The following PPP4R3A variants were observed in gnomAD, a reference collection of about 807,000 sequenced individuals.
PPP4R3A encodes the protein serine/threonine-protein phosphatase 4 regulatory subunit 3A.
PPP4R3A carries 15 observed loss-of-function variants against 91.7 expected under a neutral mutation model. The observed-to-expected ratio is 0.16, with a 90% CI of 0.11 to 0.25. PPP4R3A has a LOEUF of 0.25. PPP4R3A is among the 10% of genes least tolerant of loss of function. PPP4R3A has a pLI of 1.00. For synonymous variants in PPP4R3A, 377 were observed against 348.7 expected, an observed-to-expected ratio of 1.08 and a Z score of -0.91; for missense variants, 623 against 998.4, an observed-to-expected ratio of 0.62 and a Z score of 5.07.
Position 91,470,925 on chromosome 14 carries a change from G to A in PPP4R3A, c.1572C>T (p.Thr524=). 6.2e-7 allele frequency: 1 copy of A among 1,611,594 alleles called. No homozygotes were observed. Among genetic ancestry groups the A allele is most frequent in the Non-Finnish European group, 8.5e-7 (1 of 1,179,564 alleles). Residue 524 remains threonine (T), a synonymous_variant, in exon 10 of 15, where the codon ACC becomes ACT. Transcript: ENST00000554943. ...ELLTFCVEHH[T]YHIKNYIINK... is the part of the protein sequence containing the mutation. ...TAATAATGTAGTTCTTTATGTGGTAGGTATGGTGCTCCACACAAAATGTTA... is the reference window on the plus strand; with the variant it reads ...TAATAATGTAGTTCTTTATGTGGTAAGTATGGTGCTCCACACAAAATGTTA...
At chr14:91,479,885 T>G (rs985228797) in intron 4 of PPP4R3A, among the ~76,000 whole-genome samples, 12 of 152,216 alleles carry the variant, frequency 7.9e-5, no homozygotes, top group African/African-American at 2.9e-4. Flanking sequence ...TCCTCCTGCC[T>G]TGGCTTCCCA....
At chr14:91,464,853 G>T (rs1215772902) in intron 11 of PPP4R3A, among the ~76,000 whole-genome samples, 3 of 152,184 alleles carry the variant, frequency 2.0e-5, no homozygotes, top group Non-Finnish European at 4.4e-5. Context: ...TGGGAGTGGG[G>T]GAGCACAGTT....
intron 10 of PPP4R3A, among the ~76,000 whole-genome samples, chr14:91,467,403 A>C (rs1170111904): frequency 6.6e-6 from 1 of 152,222 alleles, no homozygotes; most frequent in Non-Finnish European, 1.5e-5. Flanking sequence ...AACCTTCATT[A>C]ACATTTCCAG....
intron 1 of PPP4R3A, among the ~76,000 whole-genome samples, chr14:91,501,367 T>C (rs1011396036): frequency 6.6e-6 from 1 of 152,178 alleles, no homozygotes; most frequent in South Asian, 2.1e-4. Flanking sequence ...TAGAGTATAT[T>C]GTCCTTATCA....
chr14:91,461,672 G>T, intron 13 of PPP4R3A, 65 bp from the exon 14 acceptor site: 2 of 1,488,364 alleles, frequency 1.3e-6, no homozygotes, highest in African/African-American at 1.4e-5. Context: ...CCCAAATGAG[G>T]TAACACTAAA....
At position 91,465,306 on chromosome 14, in the gene PPP4R3A, A is replaced by T. The variant is rs1485276355; in HGVS notation, c.1774T>A (p.Ser592Thr). 2 of 1,608,738 alleles carry T rather than the reference A, an allele frequency of 1.2e-6. No homozygotes were observed. The highest frequency in any genetic ancestry group is 1.7e-5 in the Admixed American group (1 of 58,512). The change falls in exon 11 of 15, where the codon TCC becomes ACC. Residue 592 changes from serine to threonine, a missense_variant. Around this residue, in one of 5 missense-constraint regions of PPP4R3A, gnomAD observed 87 missense variants for 233.9 expected, o/e 0.37. Coordinates refer to ENST00000554943, the MANE Select transcript of PPP4R3A (RefSeq NM_001366432.2). ...PVVKAFLNNG[S>T]RYNLMNSAII... ...GCAGAGTTCATCAGATTGTAGCGGGATCCATTGTTGAGAAATGCTTTCACT... is the reference window on the plus strand; with the variant it reads ...GCAGAGTTCATCAGATTGTAGCGGGTTCCATTGTTGAGAAATGCTTTCACT...
chr14:91,494,302 A>C (rs1169054529), intron 1 of PPP4R3A, among the ~76,000 whole-genome samples: 1 of 152,206 alleles, frequency 6.6e-6, no homozygotes, highest in Non-Finnish European at 1.5e-5. Flanking sequence ...ATATAAAAGA[A>C]AAAATTGGGC....
intron 4 of PPP4R3A, 123 bp from the exon 5 acceptor site, chr14:91,477,109 T>TA (rs1889261254): frequency 2.4e-4 from 120 of 490,466 alleles, no homozygotes; most frequent in Admixed American, 2.9e-4. Flanking sequence ...GGCAATGCTG[T>TA]CTTTTTTTTT....
At chr14:91,473,575 A>G (rs919822716) in intron 7 of PPP4R3A, among the ~76,000 whole-genome samples, 2 of 152,144 alleles carry the variant, frequency 1.3e-5, no homozygotes, top group Admixed American at 6.5e-5. Context: ...CCTAAATAGA[A>G]ATTTCTTGTC....
intron 14 of PPP4R3A, among the ~76,000 whole-genome samples, chr14:91,461,058 T>C (rs191882303): frequency 6.6e-6 from 1 of 152,230 alleles, no homozygotes; most frequent in African/African-American, 2.4e-5. Flanking sequence ...GGGTATTAGT[T>C]AGGAACATTT....
intron 3 of PPP4R3A, 32 bp downstream of exon 3, chr14:91,485,600 A>C: frequency 1.4e-6 from 2 of 1,480,254 alleles, no homozygotes; most frequent in East Asian, 4.6e-5. Flanking sequence ...CACTTAAAGA[A>C]AGCATGTTGA....
intron 1 of PPP4R3A, among the ~76,000 whole-genome samples, chr14:91,499,230 A>G (rs1890785537): frequency 6.6e-6 from 1 of 150,502 alleles, no homozygotes. Flanking sequence ...ACACCACTGC[A>G]CTCCAGCCTG....
chr14:91,484,676 C>T (rs893516525), intron 3 of PPP4R3A, among the ~76,000 whole-genome samples: 3 of 151,988 alleles, frequency 2.0e-5, no homozygotes, highest in East Asian at 3.8e-4. Context: ...CTGGGGTCGG[C>T]GGGAGGGGTG....
chr14:91,476,078 G>A (rs1797264751), intron 6 of PPP4R3A, 112 bp from the exon 7 acceptor site: 2 of 1,042,022 alleles, frequency 1.9e-6, no homozygotes, highest in Non-Finnish European at 2.7e-6. Flanking sequence ...GTAAAAGAAA[G>A]GTCAAAGAAA....
intron 1 of PPP4R3A, among the ~76,000 whole-genome samples, chr14:91,495,311 T>TGTGTGTGTGTGTGTGTGTGG: frequency 6.8e-6 from 1 of 146,230 alleles, no homozygotes; most frequent in Non-Finnish European, 1.5e-5. Context: ...AATGTGTGTG[T>TGTGTGTGTGTGTGTGTGTGG]GTGTGTGTGT....
In PPP4R3A at chr14:91,481,986, A is replaced by G. The variant is rs1282534136; in HGVS notation, c.505T>C (p.Tyr169His). 1 of 1,614,096 alleles carries G rather than the reference A, an allele frequency of 6.2e-7. No individual in the cohort carries two copies. Among genetic ancestry groups the G allele is most frequent in the East Asian group, 2.2e-5 (1 of 44,878 alleles). ...KLALALENEG[Y>H]IKKLLELFHV... ...AAAAGCTCCAGGAGCTTTTTAATAT[A>G]ACCCTCATTTTCTAGTGCCAGTGCA... The change falls in exon 4 of 15, where the codon TAT becomes CAT. Residue 169 changes from tyrosine to histidine, a missense_variant. Tyr to His is a moderately conservative substitution (Grantham distance 83, BLOSUM62 2). Coordinates refer to ENST00000554943, the MANE Select transcript of PPP4R3A (RefSeq NM_001366432.2).
chr14:91,461,943 G>T (rs1339959311), intron 13 of PPP4R3A, 106 bp downstream of exon 13: 1 of 1,402,564 alleles, frequency 7.1e-7, no homozygotes, highest in Non-Finnish European at 9.3e-7. Flanking sequence ...TCTTTAAACC[G>T]TATGCCATCA....
At chr14:91,465,191 C>A in intron 11 of PPP4R3A, 59 bp downstream of exon 11, 2 of 1,291,746 alleles carry the variant, frequency 1.5e-6, no homozygotes, top group Non-Finnish European at 2.1e-6. Flanking sequence ...CTAGGTAATG[C>A]ATATTCAATT....
chr14:91,475,092 T>G (rs1483445741), intron 7 of PPP4R3A: 1 of 151,596 alleles, frequency 6.6e-6, no homozygotes, highest in Non-Finnish European at 1.5e-5. Flanking sequence ...TTTATTCCCC[T>G]CCTCCCTTAA....
Sources: allele counts gnomAD v4.1 joint callset (sites outside exome capture counted in the v4.1 genomes callset), GRCh38; gene constraint gnomAD v4.1.1; regional missense constraint gnomAD v4.1.1; transcripts MANE v1.5; gene names NCBI Gene and HGNC (gene_info 2026-07-23, HGNC 2026-07-21).